The following AGBL4 variants were observed in gnomAD, a reference collection of about 807,000 sequenced individuals.
AGBL4 encodes AGBL carboxypeptidase 4.
AGBL4 carries 58 observed loss-of-function variants against 66.4 expected under a neutral mutation model. That is an observed-to-expected ratio of 0.87 (90% CI 0.71 to 1.09). The LOEUF is 1.09. Ranked by LOEUF, AGBL4 falls within the 50% of genes least tolerant of loss-of-function variation. AGBL4 has a pLI of 0.00. For missense variants in AGBL4, 579 were observed against 631.0 expected (o/e 0.92, Z 0.88); for synonymous variants, 234 against 222.9 (o/e 1.05, Z -0.44).
intron 2 of AGBL4, among the ~76,000 whole-genome samples, chr1:49,764,298 C>CTCCCGAATGAA (rs1169381675): frequency 2.0e-5 from 3 of 152,152 alleles, no homozygotes; most frequent in Non-Finnish European, 2.9e-5. Flanking sequence ...TCCACTGCCC[C>CTCCCGAATGAA]AGTTGCCCCT....
intron 3 of AGBL4, among the ~76,000 whole-genome samples, chr1:49,471,843 G>A (rs571686957): frequency 1.3e-5 from 2 of 152,068 alleles, no homozygotes; most frequent in South Asian, 4.1e-4. Flanking sequence ...TCTCCATACT[G>A]TAACAATGTG....
intron 3 of AGBL4, among the ~76,000 whole-genome samples, chr1:49,636,026 G>T (rs1645664471): frequency 1.3e-5 from 2 of 152,136 alleles, no homozygotes; most frequent in Non-Finnish European, 2.9e-5. Flanking sequence ...CAGGACATTT[G>T]CTGGGTTCTA....
intron 5 of AGBL4, among the ~76,000 whole-genome samples, chr1:48,982,807 C>T (rs1336037990): frequency 6.6e-6 from 1 of 152,136 alleles, no homozygotes; most frequent in Non-Finnish European, 1.5e-5. Flanking sequence ...AACTAGTTTA[C>T]AGTCCCACCA....
intron 8 of AGBL4, among the ~76,000 whole-genome samples, chr1:48,637,674 A>C (rs1645690230): frequency 6.6e-6 from 1 of 152,238 alleles, no homozygotes; most frequent in African/African-American, 2.4e-5. Flanking sequence ...CTGGCCCTTC[A>C]GAGCTGCTCG....
intron 3 of AGBL4, among the ~76,000 whole-genome samples, chr1:49,473,398 G>T (rs1646786019): frequency 6.6e-6 from 1 of 151,948 alleles, no homozygotes; most frequent in African/African-American, 2.4e-5. Flanking sequence ...TGATTAGTGA[G>T]GTTGAGCATT....
Position 49,892,568 on chromosome 1 carries a change from C to A in AGBL4, c.35-41050G>T, listed in dbSNP as rs1490269594. On this transcript the variant is annotated intron_variant, in intron 1 of 13. Coordinates refer to ENST00000371839, the MANE Select transcript of AGBL4 (RefSeq NM_032785.4). ...CCAATGCTTTTTGCCAATCACTGTACCTTCTATGCTTGCTCTATCTCCCTA... is the reference window on the plus strand; with the variant it reads ...CCAATGCTTTTTGCCAATCACTGTAACTTCTATGCTTGCTCTATCTCCCTA... Among the ~76,000 whole-genome samples, 4 of 152,158 alleles carry A rather than the reference C, an allele frequency of 2.6e-5. No homozygotes were observed. The South Asian group carries it at 8.3e-4, about 32-fold the overall frequency.
chr1:49,539,136 ATATATT>A (rs970200601), intron 3 of AGBL4, among the ~76,000 whole-genome samples: 14 of 152,194 alleles, frequency 9.2e-5, no homozygotes, highest in African/African-American at 3.4e-4. Context: ...TGATATGGAA[ATATATT>A]TATGACATAA....
chr1:49,911,856 T>A (rs1248972715), intron 1 of AGBL4, among the ~76,000 whole-genome samples: 1 of 152,136 alleles, frequency 6.6e-6, no homozygotes, highest in East Asian at 1.9e-4. Flanking sequence ...CTTACATTGG[T>A]CTTGGCAGTG....
chr1:49,352,664 C>A (rs1643935505), intron 3 of AGBL4, among the ~76,000 whole-genome samples: 2 of 151,850 alleles, frequency 1.3e-5, no homozygotes, highest in African/African-American at 4.8e-5. Context: ...ACCCATAGCA[C>A]CAGGAGCAGA....
At chr1:49,262,584 T>A (rs1351101627) in intron 3 of AGBL4, among the ~76,000 whole-genome samples, 4 of 151,996 alleles carry the variant, frequency 2.6e-5, no homozygotes, top group Non-Finnish European at 5.9e-5. Context: ...ATCAGAGAAA[T>A]GCAAATCAAA....
intron 3 of AGBL4, among the ~76,000 whole-genome samples, chr1:49,525,011 C>T (rs1411454716): frequency 2.0e-5 from 3 of 152,010 alleles, no homozygotes; most frequent in Admixed American, 2.0e-4. Flanking sequence ...TCTTGGGTAA[C>T]TTATTCTTCT....
intron 4 of AGBL4, among the ~76,000 whole-genome samples, chr1:49,159,412 G>A (rs1473114006): frequency 4.6e-5 from 7 of 152,162 alleles, no homozygotes; most frequent in Admixed American, 6.5e-5. Flanking sequence ...CTGGCTTGTA[G>A]GATTTCTGCA....
At position 48,909,941 on chromosome 1, in the gene AGBL4, T is replaced by G. The variant is rs141407955; in HGVS notation, c.595-42711A>C. ...TGCATTCCTTCTCACTAAATCCTCTTGCTTTTCCATAAATCCTGATTTTCA... is the reference window on the plus strand; with the variant it reads ...TGCATTCCTTCTCACTAAATCCTCTGGCTTTTCCATAAATCCTGATTTTCA... On this transcript the variant is annotated intron_variant, in intron 5 of 13. Coordinates refer to ENST00000371839, the MANE Select transcript of AGBL4 (RefSeq NM_032785.4). Among the ~76,000 whole-genome samples the G allele has an allele frequency of 4.7e-4, 71 of 152,304 alleles. 1 individual carries two copies. The South Asian group carries it at 9.9e-3, about 21-fold the overall frequency.
chr1:48,705,034 G>A (rs901535298), intron 6 of AGBL4, among the ~76,000 whole-genome samples: 8 of 152,132 alleles, frequency 5.3e-5, no homozygotes, highest in Non-Finnish European at 1.0e-4. Context: ...GTCACTAGGC[G>A]ATGGGAATTT....
chr1:49,793,395 C>T (rs185273985), intron 2 of AGBL4, among the ~76,000 whole-genome samples: 448 of 152,110 alleles, frequency 2.9e-3, no homozygotes, highest in Non-Finnish European at 5.2e-3. Context: ...AGTCTTTGAG[C>T]ACACCAGGGT....
At chr1:49,617,352 A>C (rs1213230210) in intron 3 of AGBL4, among the ~76,000 whole-genome samples, 2 of 152,120 alleles carry the variant, frequency 1.3e-5, no homozygotes, top group Admixed American at 6.5e-5. Flanking sequence ...CCCTGTATAC[A>C]CTATTTAAAA....
chr1:49,385,954 T>C (rs1644727874), intron 3 of AGBL4, among the ~76,000 whole-genome samples: 1 of 152,024 alleles, frequency 6.6e-6, no homozygotes, highest in African/African-American at 2.4e-5. Context: ...ATCTAGTCAC[T>C]TAGTACATTA....
chr1:49,832,238 T>C (rs1300178113), intron 2 of AGBL4, among the ~76,000 whole-genome samples: 170 of 149,928 alleles, frequency 1.1e-3, no homozygotes, highest in Admixed American at 3.0e-3. Context: ...TGAGTGAGAA[T>C]ATGTGGTGTT....
At chr1:49,546,341 G>A (rs572983352) in intron 3 of AGBL4, among the ~76,000 whole-genome samples, 2 of 149,532 alleles carry the variant, frequency 1.3e-5, no homozygotes, top group Non-Finnish European at 3.0e-5. Context: ...ATTTACATAT[G>A]TATATATGTA....
Sources: allele counts gnomAD v4.1 joint callset (sites outside exome capture counted in the v4.1 genomes callset), GRCh38; gene constraint gnomAD v4.1.1; transcripts MANE v1.5; gene names NCBI Gene and HGNC (gene_info 2026-07-23, HGNC 2026-07-21).